The following NR3C1 variants were observed in gnomAD, a reference collection of about 807,000 sequenced individuals.
NR3C1 encodes nuclear receptor subfamily 3 group C member 1.
In NR3C1, 14 loss-of-function variants were observed where a neutral mutation model predicts 74.0. That is an observed-to-expected ratio of 0.19 (90% CI 0.12 to 0.30). The LOEUF is 0.30. Ranked by LOEUF, NR3C1 falls within the 10% of genes least tolerant of loss-of-function variation. The probability of loss-of-function intolerance (pLI) is 1.00; values close to 1 mark genes in which losing one functional copy is unlikely to be tolerated. For synonymous variants in NR3C1, 308 were observed against 332.5 expected (o/e 0.93, Z 0.80); for missense variants, 695 against 909.8 (o/e 0.76, Z 3.04).
chr5:143,425,711 A>T (rs982503863), intron 1 of NR3C1, among the ~76,000 whole-genome samples: 12 of 134,762 alleles, frequency 8.9e-5, no homozygotes, highest in Admixed American at 2.2e-4. Context: ...ATTGTTTTTT[A>T]AAAAAAGGAA....
chr5:143,424,302 T>C (rs1405486220), intron 1 of NR3C1, among the ~76,000 whole-genome samples: 2 of 152,246 alleles, frequency 1.3e-5, no homozygotes, highest in East Asian at 3.9e-4. Context: ...TAGTGTTCAG[T>C]AGACAACAGG....
At chr5:143,294,411 T>A in intron 7 of NR3C1, 3 of 767,296 alleles carry the variant, frequency 3.9e-6, no homozygotes, top group Non-Finnish European at 4.8e-6. Context: ...TAAAAAAGAC[T>A]TTTTTTAGAG....
At chr5:143,358,860 A>T (rs1255899633) in intron 2 of NR3C1, among the ~76,000 whole-genome samples, 1 of 151,846 alleles carries the variant, frequency 6.6e-6, no homozygotes. Context: ...AGATCACACC[A>T]TTGCACTCCA....
rs529484237 is a variant in NR3C1, at chr5:143,313,892, A to T, written c.1351+110T>A. 17 of 1,164,132 alleles carry T rather than the reference A, an allele frequency of 1.5e-5. No homozygotes were observed. The African/African-American group carries it at 1.7e-4, about 12-fold the overall frequency. 72.1% of individuals were successfully genotyped at this position (1,164,132 alleles called of 1,614,324 possible). ...AGGAGCCACCCTCCTCTCCCCTCTT[A>T]ACTGATATTTAGCCTTTCATGGGCT... On this transcript the variant is annotated intron_variant, in intron 3 of 8. Coordinates refer to ENST00000394464, the MANE Select transcript of NR3C1 (RefSeq NM_000176.3).
At chr5:143,409,244 TAAAG>T (rs1403956702) in intron 1 of NR3C1, 3 of 152,200 alleles carry the variant, frequency 2.0e-5, no homozygotes, top group Non-Finnish European at 2.9e-5. Context: ...ACGATTCTGT[TAAAG>T]AAAGGACATA....
At chr5:143,392,347 A>T (rs1372793820) in intron 2 of NR3C1, among the ~76,000 whole-genome samples, 1 of 152,226 alleles carries the variant, frequency 6.6e-6, no homozygotes, top group Non-Finnish European at 1.5e-5. Flanking sequence ...CAGAAATTGA[A>T]ACTGTGACAA....
chr5:143,354,023 T>C (rs1200211428), intron 2 of NR3C1, among the ~76,000 whole-genome samples: 5 of 152,244 alleles, frequency 3.3e-5, no homozygotes, highest in Non-Finnish European at 5.9e-5. Flanking sequence ...TATCAGCACT[T>C]GCTGCTTCAC....
chr5:143,392,541 TA>T (rs1358462559), intron 2 of NR3C1, among the ~76,000 whole-genome samples: 2 of 152,178 alleles, frequency 1.3e-5, no homozygotes, highest in Non-Finnish European at 2.9e-5. Flanking sequence ...TTTTTCTCTT[TA>T]AATGCCTTTA....
upstream of NR3C1, chr5:143,405,306 G>A (rs1483835713): frequency 1.0e-6 from 1 of 985,584 alleles, no homozygotes; most frequent in Non-Finnish European, 1.2e-6. Flanking sequence ...AATCCTGCTC[G>A]GGCGCTCGGC....
chr5:143,398,126 C>T lies in NR3C1; in HGVS notation c.1184+1530G>A, dbSNP rs998416274. Among the ~76,000 whole-genome samples, 4 of 151,916 alleles carry T rather than the reference C, an allele frequency of 2.6e-5. 1 individual carries two copies. Among genetic ancestry groups the T allele is most frequent in the Non-Finnish European group, 1.5e-5 (1 of 67,808 alleles). ...AACTCTTTTAAGAAAACCAAGTATGCGAATTCTATTGCCAAAAATTTGCAA... is the reference window on the plus strand; with the variant it reads ...AACTCTTTTAAGAAAACCAAGTATGTGAATTCTATTGCCAAAAATTTGCAA... On this transcript the variant is annotated intron_variant, in intron 2 of 8. Transcript: ENST00000394464.
intron 6 of NR3C1, 57 bp from the exon 7 acceptor site, chr5:143,295,647 A>G: frequency 4.7e-6 from 7 of 1,479,402 alleles, no homozygotes; most frequent in Non-Finnish European, 6.6e-6. Flanking sequence ...CCCCCCAAAA[A>G]GCACATTTTT....
intron 7 of NR3C1, among the ~76,000 whole-genome samples, chr5:143,287,202 CAAAA>C (rs1220151084): frequency 4.0e-5 from 6 of 151,396 alleles, no homozygotes; most frequent in African/African-American, 1.5e-4. Flanking sequence ...ACATAGGAAA[CAAAA>C]AGAGAAAATC....
At chr5:143,334,224 A>G (rs1484539752) in intron 2 of NR3C1, among the ~76,000 whole-genome samples, 2 of 152,066 alleles carry the variant, frequency 1.3e-5, no homozygotes, top group Admixed American at 1.3e-4. Flanking sequence ...TCTACTAAAA[A>G]TACAAAAATT....
At chr5:143,356,386 A>G (rs879525882) in intron 2 of NR3C1, among the ~76,000 whole-genome samples, 1 of 152,116 alleles carries the variant, frequency 6.6e-6, no homozygotes, top group Non-Finnish European at 1.5e-5. Flanking sequence ...GAGAAATAGA[A>G]AATAGAAAAA....
chr5:143,325,045 C>T (rs993677258), intron 2 of NR3C1, among the ~76,000 whole-genome samples: 3 of 152,138 alleles, frequency 2.0e-5, no homozygotes, highest in Non-Finnish European at 4.4e-5. Context: ...CACATTTTCC[C>T]GTCTTCTTCT....
At chr5:143,429,040 T>C (rs1751678235) in intron 1 of NR3C1, among the ~76,000 whole-genome samples, 1 of 152,214 alleles carries the variant, frequency 6.6e-6, no homozygotes, top group African/African-American at 2.4e-5. Flanking sequence ...TTTAAGAACA[T>C]GAAACGGGAA....
At chr5:143,412,208 C>G (rs937076590) in intron 1 of NR3C1, among the ~76,000 whole-genome samples, 1 of 132,786 alleles carries the variant, frequency 7.5e-6, no homozygotes, top group South Asian at 2.3e-4. Context: ...ATCTTTATAT[C>G]AGATGGAGAA....
intron 1 of NR3C1, among the ~76,000 whole-genome samples, chr5:143,431,501 T>A (rs1296984154): frequency 7.0e-6 from 1 of 143,260 alleles, no homozygotes. Context: ...TGTCAGGGGG[T>A]GGGGGGTAAG....
intron 2 of NR3C1, among the ~76,000 whole-genome samples, chr5:143,347,321 A>G (rs1829470278): frequency 6.6e-6 from 1 of 151,936 alleles, no homozygotes; most frequent in South Asian, 2.1e-4. Context: ...TCCTCCTTCT[A>G]TGTGAAACAC....
Sources: gnomAD v4.1 joint callset for allele counts (sites outside exome capture counted in the v4.1 genomes callset) on GRCh38, gnomAD v4.1.1 for gene constraint, MANE v1.5 for transcripts, NCBI Gene and HGNC (gene_info 2026-07-23, HGNC 2026-07-21) for gene names.